GPC6: variants seen among roughly 807,000 people sequenced by gnomAD.
The protein encoded by GPC6 is glypican 6.
In GPC6, 14 loss-of-function variants were observed where a neutral mutation model predicts 55.2. The observed-to-expected ratio is 0.25, with a 90% CI of 0.17 to 0.40. The LOEUF is 0.40. GPC6 is among the 10% of genes least tolerant of loss of function. The probability of loss-of-function intolerance (pLI) is 1.00; values close to 1 mark genes in which losing one functional copy is unlikely to be tolerated. For synonymous variants in GPC6, 278 were observed against 259.6 expected, an observed-to-expected ratio of 1.07 and a Z score of -0.68; for missense variants, 641 against 708.5, an observed-to-expected ratio of 0.90 and a Z score of 1.08.
intron 4 of GPC6, among the ~76,000 whole-genome samples, chr13:94,273,688 T>A (rs1892114355): frequency 1.3e-5 from 2 of 152,182 alleles, no homozygotes; most frequent in African/African-American, 4.8e-5. Flanking sequence ...GGGCTACTGC[T>A]CCAGGAGCTG....
intron 2 of GPC6, among the ~76,000 whole-genome samples, chr13:93,786,107 C>T (rs774604446): frequency 3.9e-5 from 6 of 152,088 alleles, no homozygotes; most frequent in East Asian, 3.9e-4. Flanking sequence ...TCAGTGTGGA[C>T]GCCAAACACT....
intron 1 of GPC6, among the ~76,000 whole-genome samples, chr13:93,524,653 T>A (rs930542311): frequency 6.6e-6 from 1 of 152,104 alleles, no homozygotes. Context: ...ATTGTCAACA[T>A]TGAGACTTCT....
chr13:93,862,293 A>G (rs1015084272), intron 3 of GPC6, among the ~76,000 whole-genome samples: 5 of 151,590 alleles, frequency 3.3e-5, no homozygotes, highest in African/African-American at 9.7e-5. Flanking sequence ...CAGCATTCAC[A>G]TGAAAGTTTA....
At chr13:94,171,963 G>T (rs916895786) in intron 4 of GPC6, among the ~76,000 whole-genome samples, 3 of 152,184 alleles carry the variant, frequency 2.0e-5, no homozygotes, top group African/African-American at 7.2e-5. Context: ...TGTGTTAAGT[G>T]CTGAAAACGT....
intron 1 of GPC6, among the ~76,000 whole-genome samples, chr13:93,477,348 G>A (rs1304712505): frequency 1.3e-5 from 2 of 152,056 alleles, no homozygotes; most frequent in Non-Finnish European, 2.9e-5. Flanking sequence ...TTCCATGAAT[G>A]AGAGAAAGGA....
chr13:93,428,976 T>C (rs560647039), intron 1 of GPC6, among the ~76,000 whole-genome samples: 100 of 152,144 alleles, frequency 6.6e-4, no homozygotes, highest in Non-Finnish European at 1.2e-3. Flanking sequence ...CTTTATGTTA[T>C]AGCATCCCTT....
At chr13:93,469,510 A>G (rs1257787724) in intron 1 of GPC6, among the ~76,000 whole-genome samples, 3 of 152,006 alleles carry the variant, frequency 2.0e-5, no homozygotes, top group African/African-American at 4.8e-5. Context: ...GTTTATTACT[A>G]TGGATTATGC....
intron 3 of GPC6, among the ~76,000 whole-genome samples, chr13:93,833,790 A>C (rs1390247957): frequency 6.6e-6 from 1 of 152,162 alleles, no homozygotes; most frequent in African/African-American, 2.4e-5. Context: ...CAACAGAATT[A>C]TTTTTAAAAC....
At chr13:93,912,512 G>C (rs1479276551) in intron 3 of GPC6, among the ~76,000 whole-genome samples, 1 of 152,140 alleles carries the variant, frequency 6.6e-6, no homozygotes, top group East Asian at 1.9e-4. Context: ...GGGAGGCCAA[G>C]GCGGGCGGAT....
At chr13:94,293,058 C>T (rs1594139168) in intron 5 of GPC6, among the ~76,000 whole-genome samples, 1 of 152,170 alleles carries the variant, frequency 6.6e-6, no homozygotes, top group East Asian at 1.9e-4. Flanking sequence ...TTTTTAAAGA[C>T]CAGGGGCAAG....
In GPC6 at chr13:93,779,534, G is replaced by T. The variant is rs567427540; in HGVS notation, c.320-50620G>T. On this transcript the variant is annotated intron_variant, in intron 2 of 8. Transcript: ENST00000377047. Reference sequence around the variant, plus strand: ...TAGTAATCCTGCAACTAGTTGCTGGGTGGCGTGCCCCTCCATTTCACTGTT... The same window carrying T: ...TAGTAATCCTGCAACTAGTTGCTGGTTGGCGTGCCCCTCCATTTCACTGTT... Among the ~76,000 whole-genome samples, 9 of 152,228 alleles carry T rather than the reference G, an allele frequency of 5.9e-5. No homozygotes were observed. The South Asian group carries it at 1.9e-3, about 32-fold the overall frequency.
intron 3 of GPC6, among the ~76,000 whole-genome samples, chr13:93,867,784 A>G (rs1401852461): frequency 6.6e-6 from 1 of 151,738 alleles, no homozygotes; most frequent in Non-Finnish European, 1.5e-5. Flanking sequence ...TACACTCACC[A>G]TCAGTGCAGG....
intron 3 of GPC6, among the ~76,000 whole-genome samples, chr13:93,879,271 T>G (rs2140308215): frequency 6.6e-6 from 1 of 152,252 alleles, no homozygotes; most frequent in Non-Finnish European, 1.5e-5. Flanking sequence ...TCTTTGCCTT[T>G]GGTTTGAAAG....
chr13:93,380,981 C>T (rs1875145018), intron 1 of GPC6, among the ~76,000 whole-genome samples: 1 of 152,098 alleles, frequency 6.6e-6, no homozygotes, highest in South Asian at 2.1e-4. Flanking sequence ...TGGCATTCTA[C>T]TAAACTATTT....
chr13:94,320,397 G>T (rs1415251155), intron 6 of GPC6, among the ~76,000 whole-genome samples: 1 of 152,038 alleles, frequency 6.6e-6, no homozygotes, highest in Non-Finnish European at 1.5e-5. Flanking sequence ...CTTACAAATG[G>T]TGCTTTATTT....
At chr13:93,705,234 T>C (rs1248288377) in intron 2 of GPC6, among the ~76,000 whole-genome samples, 2 of 151,974 alleles carry the variant, frequency 1.3e-5, no homozygotes, top group African/African-American at 4.8e-5. Flanking sequence ...CAAATGTAGT[T>C]AATCTATAGG....
chr13:94,080,520 A>AT (rs918243671), intron 4 of GPC6, among the ~76,000 whole-genome samples: 4 of 152,054 alleles, frequency 2.6e-5, no homozygotes, highest in East Asian at 1.9e-4. Flanking sequence ...TCAGGTTAAT[A>AT]TTTTTTTTCA....
chr13:93,489,321 C>T lies in GPC6; in HGVS notation c.161-55942C>T, dbSNP rs201147614. On this transcript the variant is annotated intron_variant, in intron 1 of 8. Coordinates refer to ENST00000377047, the MANE Select transcript of GPC6 (RefSeq NM_005708.5). ...TTTCTGAGGGCTCTGTTCTGTTCCA[C>T]TGGTCTATATCTCTGTTTTGGTACC... Among the ~76,000 whole-genome samples the T allele has an allele frequency of 4.3e-4, 65 of 151,386 alleles. 1 individual carries two copies. The South Asian group carries it at 0.013, about 31-fold the overall frequency.
At chr13:93,637,672 G>A (rs1393048168) in intron 2 of GPC6, among the ~76,000 whole-genome samples, 1 of 152,056 alleles carries the variant, frequency 6.6e-6, no homozygotes, top group African/African-American at 2.4e-5. Flanking sequence ...CTTATGTACA[G>A]TCATAATTAA....
Sources: gnomAD v4.1 joint callset for allele counts (sites outside exome capture counted in the v4.1 genomes callset) on GRCh38, gnomAD v4.1.1 for gene constraint, MANE v1.5 for transcripts, NCBI Gene and HGNC (gene_info 2026-07-23, HGNC 2026-07-21) for gene names.